Variants in PCDHGA11 observed in about 807,000 individuals in gnomAD.
PCDHGA11 encodes protocadherin gamma-A11.
A neutral mutation model predicts 60.4 loss-of-function variants in PCDHGA11; 39 were observed. The observed-to-expected ratio is 0.65, with a 90% CI of 0.50 to 0.84. The LOEUF (loss-of-function observed/expected upper bound fraction) is 0.84, where lower values mean the gene tolerates loss of function less well. PCDHGA11 is among the 40% of genes least tolerant of loss of function. The pLI, the probability that PCDHGA11 is intolerant of heterozygous loss-of-function variation, is 0.00. For missense variants in PCDHGA11, 1,165 were observed against 1,197.7 expected (o/e 0.97, Z 0.40); for synonymous variants, 533 against 510.3 (o/e 1.04, Z -0.60).
chr5:141,433,361 ATCT>A, intron 1 of PCDHGA11: 2 of 297,578 alleles, frequency 6.7e-6, no homozygotes, highest in Non-Finnish European at 1.3e-5. Context: ...CTGTCTGCCT[ATCT>A]ATCTATCTAT....
intron 2 of PCDHGA11, among the ~76,000 whole-genome samples, chr5:141,495,550 G>A (rs999176899): frequency 6.6e-6 from 1 of 151,958 alleles, no homozygotes; most frequent in Non-Finnish European, 1.5e-5. Context: ...TCTCTATCTC[G>A]CTTTGCAATC....
chr5:141,428,091 T>A lies in PCDHGA11; in HGVS notation c.2433+4431T>A, dbSNP rs769710543. 1.1e-5 allele frequency: 17 copies of A among 1,609,000 alleles called. No homozygotes were observed. In the African/African-American group the frequency reaches 1.5e-4, roughly 14 times the overall value. On this transcript the variant is annotated intron_variant, in intron 1 of 3. Transcript: ENST00000398587. ...AGATTCGGGACACAACGCTTGGCTGTCCTACCACGTGCTGCAGGCCATCGA... is the reference window on the plus strand; with the variant it reads ...AGATTCGGGACACAACGCTTGGCTGACCTACCACGTGCTGCAGGCCATCGA...
intron 1 of PCDHGA11, among the ~76,000 whole-genome samples, chr5:141,488,398 A>T (rs2099675065): frequency 6.6e-6 from 1 of 152,192 alleles, no homozygotes; most frequent in African/African-American, 2.4e-5. Flanking sequence ...GAAACCATGA[A>T]ACCTAGAAGC....
intron 1 of PCDHGA11, chr5:141,441,746 C>T: frequency 2.7e-6 from 1 of 371,314 alleles, no homozygotes; most frequent in East Asian, 9.8e-5. Flanking sequence ...TCGCGCTCGG[C>T]GTCAACGTGA....
chr5:141,464,180 G>T (rs1251683320), intron 1 of PCDHGA11, among the ~76,000 whole-genome samples: 1 of 151,340 alleles, frequency 6.6e-6, no homozygotes, highest in Non-Finnish European at 1.5e-5. Flanking sequence ...CAGGAGAATT[G>T]CTTGATTTCA....
At chr5:141,470,016 C>G (rs116065751) in intron 1 of PCDHGA11, among the ~76,000 whole-genome samples, 1 of 152,146 alleles carries the variant, frequency 6.6e-6, no homozygotes, top group Non-Finnish European at 1.5e-5. Context: ...GTAATCCCAG[C>G]TACTCGGGAT....
Position 141,476,715 on chromosome 5 carries a change from G to C in PCDHGA11, c.2434-18092G>C. 6.2e-7 allele frequency: 1 copy of C among 1,614,168 alleles called. No individual in the cohort carries two copies. The highest frequency in any genetic ancestry group is 8.5e-7 in the Non-Finnish European group (1 of 1,180,030). On this transcript the variant is annotated intron_variant, in intron 1 of 3. Transcript: ENST00000398587. The surrounding 1 kb of genome is among the most constrained non-coding windows in gnomAD (Gnocchi z 7.6). ...AAGTACGCGGAGCTGGTGTTGGAGC[G>C]CGCCCTGGACCGAGAACGGGAGCCT...
intron 1 of PCDHGA11, chr5:141,478,028 G>A (rs2099428840): frequency 6.2e-7 from 1 of 1,614,060 alleles, no homozygotes; most frequent in South Asian, 1.1e-5. Flanking sequence ...CCAAGACACA[G>A]ATTCACCCAG....
intron 1 of PCDHGA11, among the ~76,000 whole-genome samples, chr5:141,450,082 C>T (rs2098668421): frequency 6.8e-6 from 1 of 147,384 alleles, no homozygotes. Context: ...TCTTGGCTCA[C>T]TGCAACCTCC....
chr5:141,444,008 A>G (rs2098413646), intron 1 of PCDHGA11, among the ~76,000 whole-genome samples: 2 of 152,140 alleles, frequency 1.3e-5, no homozygotes, highest in Non-Finnish European at 2.9e-5. Context: ...CTACCTGGGT[A>G]TTGGCTTCTA....
At chr5:141,460,453 A>T (rs1487816393) in intron 1 of PCDHGA11, among the ~76,000 whole-genome samples, 3 of 152,152 alleles carry the variant, frequency 2.0e-5, no homozygotes, top group Non-Finnish European at 4.4e-5. Flanking sequence ...ATGAAGATTC[A>T]TATTTTTTTC....
In PCDHGA11 at chr5:141,485,066, G is replaced by A. The variant is rs907517904; in HGVS notation, c.2434-9741G>A. On this transcript the variant is annotated intron_variant, in intron 1 of 3. Coordinates refer to ENST00000398587, the MANE Select transcript of PCDHGA11 (RefSeq NM_018914.3). This position sits in a 1 kb window ranked among gnomAD's most constrained non-coding sequence, Gnocchi z 5.7. Reference sequence around the variant, plus strand: ...GCGGCGCCGGCCGAACCGCGCCAGAGCTGGCGCGGGGAAAGGGAGATAGGT... The same window carrying A: ...GCGGCGCCGGCCGAACCGCGCCAGAACTGGCGCGGGGAAAGGGAGATAGGT... 1 of 885,622 alleles carries A rather than the reference G, an allele frequency of 1.1e-6. No individual in the cohort carries two copies. Among genetic ancestry groups the A allele is most frequent in the Non-Finnish European group, 1.8e-6 (1 of 559,820 alleles). 54.9% of individuals were successfully genotyped at this position (885,622 alleles called of 1,614,324 possible).
intron 1 of PCDHGA11, chr5:141,433,225 G>A: frequency 6.6e-7 from 1 of 1,517,048 alleles, no homozygotes; most frequent in Non-Finnish European, 9.0e-7. Flanking sequence ...TTTTTTAATT[G>A]CTCTGTCTCC....
Position 141,477,395 on chromosome 5 carries a change from A to G in PCDHGA11, c.2434-17412A>G. The G allele has an allele frequency of 1.9e-6, 3 of 1,614,126 alleles. No individual in the cohort carries two copies. The highest frequency in any genetic ancestry group is 1.3e-5 in the African/African-American group (1 of 75,020). ...GACTGTGCCAGAATACAACCTCAGC[A>G]TCACCGCCCGAGACGCCGGAACCCC... On this transcript the variant is annotated intron_variant, in intron 1 of 3. Transcript: ENST00000398587. The surrounding 1 kb of genome is among the most constrained non-coding windows in gnomAD (Gnocchi z 4.9).
chr5:141,477,431 G>T lies in PCDHGA11; in HGVS notation c.2434-17376G>T. 3 of 1,614,080 alleles carry T rather than the reference G, an allele frequency of 1.9e-6. No homozygotes were observed. The highest frequency in any genetic ancestry group is 2.5e-6 in the Non-Finnish European group (3 of 1,180,012). On this transcript the variant is annotated intron_variant, in intron 1 of 3. Transcript: ENST00000398587. This position sits in a 1 kb window ranked among gnomAD's most constrained non-coding sequence, Gnocchi z 4.9. ...AGACGCCGGAACCCCTTCCCTCTCA[G>T]CCCTTACAATAGTGCGTGTTCAAGT...
Position 141,421,880 on chromosome 5 carries a change from G to C in PCDHGA11, c.653G>C (p.Gly218Ala). 1 of 1,613,718 alleles carries C rather than the reference G, an allele frequency of 6.2e-7. No homozygotes were observed. The highest frequency in any genetic ancestry group is 1.7e-5 in the Admixed American group (1 of 60,010). ...AHLLLLTALD[G>A]GDPIRKGAVP... is the part of the protein sequence containing the mutation. Reference sequence around the variant, plus strand: ...CTGCTCCTCCTCACAGCTTTAGATGGAGGCGATCCCATCCGAAAGGGCGCA... The same window carrying C: ...CTGCTCCTCCTCACAGCTTTAGATGCAGGCGATCCCATCCGAAAGGGCGCA... The change falls in exon 1 of 4, where the codon GGA (glycine) becomes GCA (alanine). Residue 218 changes from glycine to alanine, a missense_variant. Transcript: ENST00000398587.
intron 1 of PCDHGA11, chr5:141,478,935 A>G: frequency 1.6e-6 from 1 of 638,574 alleles, no homozygotes. Flanking sequence ...GGCAGCTTCT[A>G]GGAATACAAA....
At position 141,477,167 on chromosome 5, in the gene PCDHGA11, G is replaced by A; in HGVS notation, c.2434-17640G>A. On this transcript the variant is annotated intron_variant, in intron 1 of 3. Coordinates refer to ENST00000398587, the MANE Select transcript of PCDHGA11 (RefSeq NM_018914.3). This position sits in a 1 kb window ranked among gnomAD's most constrained non-coding sequence, Gnocchi z 4.9. ...TGTGGATGTGAATGACAACGCCCCGGAGATCACAGTCACCTCCGTGTACAG... is the reference window on the plus strand; with the variant it reads ...TGTGGATGTGAATGACAACGCCCCGAAGATCACAGTCACCTCCGTGTACAG... 6.2e-7 allele frequency: 1 copy of A among 1,614,166 alleles called. No homozygotes were observed. Among genetic ancestry groups the A allele is most frequent in the South Asian group, 1.1e-5 (1 of 91,076 alleles).
intron 1 of PCDHGA11, chr5:141,427,019 CAA>C (rs1369360584): frequency 8.8e-6 from 4 of 456,798 alleles, no homozygotes; most frequent in Admixed American, 2.3e-5. Flanking sequence ...AGGATGTATA[CAA>C]AGTCAGCCTT....
Sources: gnomAD v4.1 joint callset for allele counts (sites outside exome capture counted in the v4.1 genomes callset) on GRCh38, gnomAD v4.1.1 for gene constraint, Gnocchi (gnomAD v3.1) non-coding constraint, MANE v1.5 for transcripts, NCBI Gene and HGNC (gene_info 2026-07-23, HGNC 2026-07-21) for gene names.